MAPRE3: variants seen among roughly 807,000 people sequenced by gnomAD.
The protein encoded by MAPRE3 is microtubule associated protein RP/EB family member 3, also known as microtubule-associated protein RP/EB family member 3.
A neutral mutation model predicts 30.5 loss-of-function variants in MAPRE3; 2 were observed. The observed-to-expected ratio is 0.07, with a 90% confidence interval of 0.03 to 0.21. MAPRE3 has a LOEUF of 0.21. Ranked by LOEUF, MAPRE3 falls within the 10% of genes least tolerant of loss-of-function variation. The probability of loss-of-function intolerance (pLI) is 1.00; values close to 1 mark genes in which losing one functional copy is unlikely to be tolerated. For missense variants in MAPRE3, 204 were observed against 351.8 expected (o/e 0.58, Z 3.36); for synonymous variants, 110 against 127.7 (o/e 0.86, Z 0.93).
intron 1 of MAPRE3, among the ~76,000 whole-genome samples, chr2:26,977,701 A>G (rs1666041174): frequency 6.6e-6 from 1 of 151,882 alleles, no homozygotes; most frequent in South Asian, 2.1e-4. Flanking sequence ...AGGCTAGGCC[A>G]CTCCCCCTGT....
chr2:27,025,735 C>G lies in MAPRE3; in HGVS notation c.622C>G (p.Gln208Glu). ...TDAQILELNQ[Q>E]LVDLKLTVDG... The stretch of plus-strand genomic sequence containing the variant: ...TGCCCAAATTCTTGAACTCAACCAA[C>G]AGGTGAGTGGGATGGGTAAGGGTAG... Residue 208 changes from glutamine (Q) to glutamate (E), a missense_variant and splice_region_variant, in exon 5 of 7, where the codon CAG (glutamine) becomes GAG (glutamate). This residue lies in a region of MAPRE3 where 42 missense variants were observed against 81.2 expected (regional missense o/e 0.52). Coordinates refer to ENST00000233121, the MANE Select transcript of MAPRE3 (RefSeq NM_012326.4). 1 of 1,614,204 alleles carries G rather than the reference C, an allele frequency of 6.2e-7. No homozygotes were observed. The highest frequency in any genetic ancestry group is 8.5e-7 in the Non-Finnish European group (1 of 1,180,020).
chr2:27,018,801 T>G (rs1267367700), intron 1 of MAPRE3, among the ~76,000 whole-genome samples: 2 of 152,138 alleles, frequency 1.3e-5, no homozygotes, highest in Non-Finnish European at 2.9e-5. Flanking sequence ...GCAGTTATTA[T>G]CCACCAAGAA....
chr2:26,987,104 GA>G, intron 1 of MAPRE3, among the ~76,000 whole-genome samples: 1 of 151,966 alleles, frequency 6.6e-6, no homozygotes, highest in Admixed American at 6.5e-5. Context: ...TCTAGCTCTG[GA>G]AAAAATGATT....
At chr2:27,007,392 G>A (rs1666754878) in intron 1 of MAPRE3, among the ~76,000 whole-genome samples, 1 of 152,218 alleles carries the variant, frequency 6.6e-6, no homozygotes, top group Non-Finnish European at 1.5e-5. Context: ...CTTCTTAATT[G>A]TGTCTTAGAA....
intron 1 of MAPRE3, among the ~76,000 whole-genome samples, chr2:26,972,913 A>G (rs1056171231): frequency 1.1e-4 from 17 of 152,242 alleles, no homozygotes; most frequent in Admixed American, 5.2e-4. Flanking sequence ...ATGAGGAAAC[A>G]GGACTAATAC....
chr2:27,004,109 A>G (rs961056496), intron 1 of MAPRE3, among the ~76,000 whole-genome samples: 9 of 152,070 alleles, frequency 5.9e-5, no homozygotes, highest in African/African-American at 1.9e-4. Context: ...AAGCGCTTCT[A>G]TTTTACTGTA....
intron 3 of MAPRE3, 110 bp downstream of exon 3, chr2:27,023,587 C>T (rs1199492957): frequency 1.6e-6 from 2 of 1,270,754 alleles, no homozygotes; most frequent in Admixed American, 3.6e-5. Context: ...GTGCTCGTGC[C>T]TCCCTCCACC....
intron 1 of MAPRE3, among the ~76,000 whole-genome samples, chr2:27,003,517 C>T (rs995589900): frequency 3.3e-5 from 5 of 152,174 alleles, no homozygotes; most frequent in African/African-American, 7.2e-5. Flanking sequence ...CAGCTGTCTA[C>T]GAGCTTTTCT....
At chr2:27,008,012 TC>T (rs1666768731) in intron 1 of MAPRE3, among the ~76,000 whole-genome samples, 1 of 152,256 alleles carries the variant, frequency 6.6e-6, no homozygotes, top group Admixed American at 6.5e-5. Context: ...CTTTTGACTA[TC>T]TCAGTCCTTC....
intron 1 of MAPRE3, among the ~76,000 whole-genome samples, chr2:27,002,591 GA>G (rs1187077519): frequency 2.0e-5 from 3 of 152,040 alleles, no homozygotes; most frequent in Non-Finnish European, 4.4e-5. Context: ...TATTAGCCCT[GA>G]CCAGACTCTG....
chr2:26,974,355 ATTT>A (rs1177224235), intron 1 of MAPRE3, among the ~76,000 whole-genome samples: 2 of 152,194 alleles, frequency 1.3e-5, no homozygotes, highest in African/African-American at 4.8e-5. Flanking sequence ...TAAAAATAAT[ATTT>A]TTTATCACAC....
rs560959592 is a variant in MAPRE3 at position 26,978,102 on chromosome 2, C to T, written c.-8+7300C>T. Among the ~76,000 whole-genome samples the T allele has an allele frequency of 3.3e-5, 5 of 152,334 alleles. No individual in the cohort carries two copies. The South Asian group carries it at 1.0e-3, about 32-fold the overall frequency. ...TTAGTGAGCAAGTCTTTGGGTATGG[C>T]TGGCTGGAGAGACTCCACCACTCGG... On this transcript the variant is annotated intron_variant, in intron 1 of 6. Transcript: ENST00000233121.
intron 1 of MAPRE3, among the ~76,000 whole-genome samples, chr2:26,975,215 C>T (rs188295010): frequency 1.9e-4 from 29 of 152,288 alleles, no homozygotes; most frequent in Admixed American, 1.8e-3. Context: ...AATAGAAAAG[C>T]TGCTGAGCTC....
intron 1 of MAPRE3, among the ~76,000 whole-genome samples, chr2:26,973,657 G>A (rs948692604): frequency 7.0e-4 from 106 of 150,402 alleles, no homozygotes; most frequent in African/African-American, 2.2e-3. Context: ...CGGGGTTCAC[G>A]CCATTCTCCT....
At chr2:27,016,551 A>AT (rs1666992230) in intron 1 of MAPRE3, among the ~76,000 whole-genome samples, 1 of 151,712 alleles carries the variant, frequency 6.6e-6, no homozygotes, top group South Asian at 2.1e-4. Context: ...TGCCCGGCTA[A>AT]TTTTTTGTAT....
chr2:27,000,821 C>T (rs936373304), intron 1 of MAPRE3, among the ~76,000 whole-genome samples: 3 of 152,226 alleles, frequency 2.0e-5, no homozygotes, highest in African/African-American at 7.2e-5. Context: ...TCTGAACCTC[C>T]TGGACAGAAA....
chr2:26,994,824 C>CTTTTTTT (rs59415017), intron 1 of MAPRE3, among the ~76,000 whole-genome samples: 2 of 76,746 alleles, frequency 2.6e-5, no homozygotes, highest in African/African-American at 4.8e-5. Context: ...TCTTCTTCTT[C>CTTTTTTT]TTTTTTTTTT....
chr2:27,009,791 C>A (rs1666808336), intron 1 of MAPRE3: 1 of 152,268 alleles, frequency 6.6e-6, no homozygotes, highest in African/African-American at 2.4e-5. Flanking sequence ...TGATGAGTTT[C>A]TCCTTCAAGA....
In MAPRE3 at chr2:27,009,048, G is replaced by T. The variant is rs562843697; in HGVS notation, c.-7-13164G>T. Among the ~76,000 whole-genome samples, 552 of 152,058 alleles carry T rather than the reference G, an allele frequency of 3.6e-3. 4 individuals carry two copies. Among genetic ancestry groups the T allele is most frequent in the African/African-American group, 0.013 (530 of 41,458 alleles). ...TCTGTGGTGGCCAGGGGATAGGGTT[G>T]GGGGGGAGGGCACAGCTATAAAGGG... is the stretch of plus-strand genomic sequence containing the variant. On this transcript the variant is annotated intron_variant, in intron 1 of 6. Transcript: ENST00000233121.
Sources: gnomAD v4.1 joint callset for allele counts (sites outside exome capture counted in the v4.1 genomes callset) on GRCh38, gnomAD v4.1.1 for gene constraint, gnomAD v4.1.1 regional missense constraint, MANE v1.5 for transcripts, NCBI Gene and HGNC (gene_info 2026-07-23, HGNC 2026-07-21) for gene names.